The following SPTB variants were observed in gnomAD, a reference collection of about 807,000 sequenced individuals.
SPTB encodes spectrin beta, erythrocytic, also known as spectrin beta chain, erythrocytic.
Under a neutral mutation model 256.2 loss-of-function variants are expected in SPTB, and 45 were observed. That is an observed-to-expected ratio of 0.18 (90% CI 0.14 to 0.23). The LOEUF (loss-of-function observed/expected upper bound fraction) is 0.23, where lower values mean the gene tolerates loss of function less well. SPTB is among the 10% of genes least tolerant of loss of function. SPTB has a pLI of 1.00. For synonymous variants in SPTB, 1,231 were observed against 1,243.1 expected, an observed-to-expected ratio of 0.99 and a Z score of 0.21; for missense variants, 2,715 against 3,040.4, an observed-to-expected ratio of 0.89 and a Z score of 2.52.
rs2083708739 is a variant in SPTB at position 64,847,294 on chromosome 14, T to A, written c.-51-24149A>T. Reference sequence around the variant, plus strand: ...ATCAAAGGCCAAAATCCTGGCCATGTGAGAACACGTGCTCCATCCACATGA... The same window carrying A: ...ATCAAAGGCCAAAATCCTGGCCATGAGAGAACACGTGCTCCATCCACATGA... On this transcript the variant is annotated intron_variant, in intron 1 of 35. Coordinates refer to ENST00000644917, the MANE Select transcript of SPTB (RefSeq NM_001355436.2). The surrounding 1 kb of genome is among the most constrained non-coding windows in gnomAD (Gnocchi z 5.9). Among the ~76,000 whole-genome samples, 1 of 152,212 alleles carries A rather than the reference T, an allele frequency of 6.6e-6. No individual in the cohort carries two copies. Among genetic ancestry groups the A allele is most frequent in the Non-Finnish European group, 1.5e-5 (1 of 68,030 alleles).
intron 1 of SPTB, among the ~76,000 whole-genome samples, chr14:64,839,688 T>C (rs1329301257): frequency 1.3e-5 from 2 of 152,198 alleles, no homozygotes; most frequent in Non-Finnish European, 2.9e-5. Context: ...ACTGCTCTGA[T>C]GAGAAAAATG....
intron 10 of SPTB, 137 bp downstream of exon 10, chr14:64,797,592 C>T (rs2082800445): frequency 1.3e-6 from 1 of 799,670 alleles, no homozygotes. Context: ...TCGATAACTC[C>T]CCCAAATAGT....
rs900750191 is a variant in SPTB, at chr14:64,844,207, G to C, written c.-51-21062C>G. ...GGAGTCATGGAGAAAAAAAAAATGAGAGCTAGAAAGCCCAGCCTGTCTTTA... is the reference window on the plus strand; with the variant it reads ...GGAGTCATGGAGAAAAAAAAAATGACAGCTAGAAAGCCCAGCCTGTCTTTA... On this transcript the variant is annotated intron_variant, in intron 1 of 35. Coordinates refer to ENST00000644917, the MANE Select transcript of SPTB (RefSeq NM_001355436.2). The surrounding 1 kb of genome is among the most constrained non-coding windows in gnomAD (Gnocchi z 4.1). Among the ~76,000 whole-genome samples, 1 of 152,078 alleles carries C rather than the reference G, an allele frequency of 6.6e-6. No individual in the cohort carries two copies. The highest frequency in any genetic ancestry group is 1.5e-5 in the Non-Finnish European group (1 of 68,022).
intron 33 of SPTB, 176 bp from the exon 34 acceptor site, chr14:64,750,330 T>TAACA (rs1156536184): frequency 1.4e-6 from 1 of 727,918 alleles, no homozygotes; most frequent in Non-Finnish European, 2.2e-6. Context: ...TAGCTATTAT[T>TAACA]AACATTTTAT....
intron 2 of SPTB, 51 bp downstream of exon 2, chr14:64,822,896 A>T (rs1566787390): frequency 6.2e-7 from 1 of 1,610,878 alleles, no homozygotes; most frequent in Admixed American, 1.7e-5. Flanking sequence ...GAGGGCTGTG[A>T]ACCTTGTGAC....
At chr14:64,766,861 C>G (rs902700426) in intron 31 of SPTB, 60 bp from the exon 32 acceptor site, 12 of 1,586,220 alleles carry the variant, frequency 7.6e-6, no homozygotes, top group South Asian at 1.1e-5. Flanking sequence ...GTGCCTCCTG[C>G]GAGGCCTGGC....
chr14:64,759,666 A>C lies in SPTB; in HGVS notation c.6346-5873T>G, dbSNP rs2082065710. On this transcript the variant is annotated intron_variant, in intron 32 of 35. Transcript: ENST00000644917. The surrounding 1 kb of genome is among the most constrained non-coding windows in gnomAD (Gnocchi z 4.8). ...TCTGCCCAAAGGCAGCATATGGAGG[A>C]GCTGATCTGAGGTTCCCTTCCACCT... 6.6e-6 allele frequency among the ~76,000 whole-genome samples: 1 copy of C among 152,184 alleles called. No homozygotes were observed. The highest frequency in any genetic ancestry group is 2.1e-4 in the South Asian group (1 of 4,818).
rs142512740 is a variant in SPTB at position 64,796,188 on chromosome 14, G to A, written c.1341+369C>T. On this transcript the variant is annotated intron_variant, in intron 11 of 35. Coordinates refer to ENST00000644917, the MANE Select transcript of SPTB (RefSeq NM_001355436.2). This position sits in a 1 kb window ranked among gnomAD's most constrained non-coding sequence, Gnocchi z 4.1. ...AATTCTTAGCTAGAATTATGTCACA[G>A]CACCAGAGACCAGAGTCCAAAAGGC... Among the ~76,000 whole-genome samples the A allele has an allele frequency of 2.8e-3, 429 of 152,282 alleles. 3 individuals are homozygous for A. The highest frequency in any genetic ancestry group is 6.8e-3 in the Middle Eastern group (2 of 294).
Position 64,822,862 on chromosome 14 carries a change from C to T in SPTB, c.148+85G>A. On this transcript the variant is annotated intron_variant, in intron 2 of 35. Transcript: ENST00000644917. ...GCCATGCCAGGGCTCACCCAACACA[C>T]ACAGAGGATTCACACTAGGTGGGGA... is the stretch of plus-strand genomic sequence containing the variant. 1.9e-6 allele frequency: 3 copies of T among 1,587,080 alleles called. No individual in the cohort carries two copies. The South Asian group carries it at 3.3e-5, about 18-fold the overall frequency.
intron 15 of SPTB, among the ~76,000 whole-genome samples, chr14:64,787,554 T>C (rs917243766): frequency 2.0e-5 from 3 of 152,014 alleles, no homozygotes; most frequent in Non-Finnish European, 4.4e-5. Context: ...GGACATAGGG[T>C]CCCCAGCTGC....
At chr14:64,833,183 C>T (rs1300127401) in intron 1 of SPTB, among the ~76,000 whole-genome samples, 1 of 152,130 alleles carries the variant, frequency 6.6e-6, no homozygotes, top group African/African-American at 2.4e-5. Flanking sequence ...TTCCTAAGCC[C>T]GAAAAATCCT....
chr14:64,850,569 G>C (rs956779631), intron 1 of SPTB, among the ~76,000 whole-genome samples: 8 of 152,192 alleles, frequency 5.3e-5, no homozygotes, highest in African/African-American at 1.9e-4. Flanking sequence ...ATCATGGCCT[G>C]GGCTAAGGCA....
In SPTB at chr14:64,845,699, T is replaced by G. The variant is rs2083680629; in HGVS notation, c.-51-22554A>C. On this transcript the variant is annotated intron_variant, in intron 1 of 35. Coordinates refer to ENST00000644917, the MANE Select transcript of SPTB (RefSeq NM_001355436.2). This position sits in a 1 kb window ranked among gnomAD's most constrained non-coding sequence, Gnocchi z 4.8. ...CCTTTGACAATAGGAAATTATCATG[T>G]TTTAGGGATTAGAAGTTTCCCTGTG... is the stretch of plus-strand genomic sequence containing the variant. Among the ~76,000 whole-genome samples the G allele has an allele frequency of 1.3e-5, 2 of 152,230 alleles. No homozygotes were observed. Among genetic ancestry groups the G allele is most frequent in the Admixed American group, 1.3e-4 (2 of 15,286 alleles).
chr14:64,794,408 G>C (rs894681706), intron 13 of SPTB, 59 bp downstream of exon 13: 30 of 1,598,266 alleles, frequency 1.9e-5, no homozygotes, highest in Non-Finnish European at 2.6e-5. Context: ...TGGGTTGTTA[G>C]GCCAGAGGTG....
Position 64,799,742 on chromosome 14 carries a change from C to G in SPTB, c.1064+5G>C. ...GACCACCCTCCCATGTGCCAGGGCC[C>G]TTACTTGGGCGGCTTCTCCACGGTG... On this transcript the variant is annotated splice_donor_5th_base_variant and intron_variant, in intron 9 of 35. Coordinates refer to ENST00000644917, the MANE Select transcript of SPTB (RefSeq NM_001355436.2). 1 of 1,614,086 alleles carries G rather than the reference C, an allele frequency of 6.2e-7. No homozygotes were observed. Among genetic ancestry groups the G allele is most frequent in the East Asian group, 2.2e-5 (1 of 44,874 alleles).
chr14:64,756,188 T>A (rs1235702966), intron 32 of SPTB: 1 of 152,156 alleles, frequency 6.6e-6, no homozygotes, highest in African/African-American at 2.4e-5. Context: ...TCTTTCAGAG[T>A]GTATTGTCTC....
rs1384144571 is a variant in SPTB at position 64,845,026 on chromosome 14, A to T, written c.-51-21881T>A. Among the ~76,000 whole-genome samples the T allele has an allele frequency of 2.0e-5, 3 of 152,370 alleles. No individual in the cohort carries two copies. The East Asian group carries it at 5.8e-4, about 29-fold the overall frequency. On this transcript the variant is annotated intron_variant, in intron 1 of 35. Coordinates refer to ENST00000644917, the MANE Select transcript of SPTB (RefSeq NM_001355436.2). This position sits in a 1 kb window ranked among gnomAD's most constrained non-coding sequence, Gnocchi z 4.8. The stretch of plus-strand genomic sequence containing the variant: ...CATACAATACTTCCTTGTTAAAGAG[A>T]GAGATGGACATGGAAAATAAGCAAA...
chr14:64,822,324 AGATTT>A (rs2083301210), intron 2 of SPTB, among the ~76,000 whole-genome samples: 2 of 31,966 alleles, frequency 6.3e-5, no homozygotes, highest in Non-Finnish European at 1.4e-4. Context: ...TTTCTACTAG[AGATTT>A]AAGATATTCT....
At position 64,779,642 on chromosome 14, in the gene SPTB, A is replaced by T; in HGVS notation, c.4473+83T>A. ...GGTGACCAGTCATCTACTGCCAAAA[A>T]TTGCTCTGGGTGGCAGCCAGCTACT... On this transcript the variant is annotated intron_variant, in intron 21 of 35. Coordinates refer to ENST00000644917, the MANE Select transcript of SPTB (RefSeq NM_001355436.2). This position sits in a 1 kb window ranked among gnomAD's most constrained non-coding sequence, Gnocchi z 4.2. The T allele has an allele frequency of 1.3e-6, 2 of 1,516,502 alleles. No homozygotes were observed. Among genetic ancestry groups the T allele is most frequent in the Non-Finnish European group, 1.8e-6 (2 of 1,093,392 alleles). The allele number at this position is 1,516,502 out of a possible 1,614,324, so 93.9% of individuals were successfully genotyped here. A position where few individuals can be genotyped will look rare whatever the true frequency, so the allele number is the denominator to read the frequency against.
Sources: allele counts gnomAD v4.1 joint callset (sites outside exome capture counted in the v4.1 genomes callset), GRCh38; gene constraint gnomAD v4.1.1; non-coding constraint Gnocchi (gnomAD v3.1); transcripts MANE v1.5; gene names NCBI Gene and HGNC (gene_info 2026-07-23, HGNC 2026-07-21).